The following IMMT variants were observed in gnomAD, a reference collection of about 807,000 sequenced individuals.
IMMT encodes inner membrane mitochondrial protein.
IMMT carries 40 observed loss-of-function variants against 92.7 expected under a neutral mutation model. The observed-to-expected ratio is 0.43, with a 90% CI of 0.34 to 0.56. IMMT has a LOEUF of 0.56. IMMT is among the 20% of genes least tolerant of loss of function. IMMT has a pLI of 0.03. For missense variants in IMMT, 831 were observed against 912.1 expected (o/e 0.91, Z 1.14); for synonymous variants, 322 against 336.1 (o/e 0.96, Z 0.46).
intron 13 of IMMT, 106 bp from the exon 14 acceptor site, chr2:86,146,303 G>T: frequency 2.4e-6 from 2 of 846,466 alleles, no homozygotes; most frequent in Non-Finnish European, 3.5e-6. Context: ...GGGCCTTAGA[G>T]TTGTCACGAA....
Position 86,144,061 on chromosome 2 carries a change from C to T in IMMT, c.*207G>A. On this transcript the variant is annotated 3_prime_UTR_variant, in exon 15 of 15. Transcript: ENST00000410111. ...AAACCTGAAAAAACAGAAAATGTTA[C>T]ACAAGTTGCAAAGAAAGCACTCCTG... 1 of 615,386 alleles carries T rather than the reference C, an allele frequency of 1.6e-6. No individual in the cohort carries two copies. Among genetic ancestry groups the T allele is most frequent in the Non-Finnish European group, 2.8e-6 (1 of 354,906 alleles). The allele number at this position is 615,386 out of a possible 1,614,324, so 38.1% of individuals were successfully genotyped here. A position where few individuals can be genotyped will look rare whatever the true frequency, so the allele number is the denominator to read the frequency against.
chr2:86,144,989 A>T, intron 14 of IMMT, 108 bp from the exon 15 acceptor site: 1 of 1,303,074 alleles, frequency 7.7e-7, no homozygotes, highest in Non-Finnish European at 1.0e-6. Flanking sequence ...GTGCAAGATG[A>T]GGCCAGAGAG....
At chr2:86,185,393 G>A (rs1025505693) in intron 1 of IMMT, among the ~76,000 whole-genome samples, 7 of 152,102 alleles carry the variant, frequency 4.6e-5, no homozygotes, top group African/African-American at 1.7e-4. Flanking sequence ...ATAGAGAAGG[G>A]CTTCAAGCCA....
At position 86,162,338 on chromosome 2, in the gene IMMT, G is replaced by GTTTTTTTTTTTTTTTT. The variant is rs1346343442; in HGVS notation, c.793-260_793-259insAAAAAAAAAAAAAAAA. Among the ~76,000 whole-genome samples the GTTTTTTTTTTTTTTTT allele has an allele frequency of 1.8e-3, 203 of 113,684 alleles. 2 individuals carry two copies. The highest frequency in any genetic ancestry group is 6.7e-3 in the African/African-American group (196 of 29,252). The allele number at this position is 113,684 out of a possible 152,430, so 74.6% of individuals were successfully genotyped here. ...GCCATATAAGCATTTTCTAAGGAGA[G>GTTTTTTTTTTTTTTTT]TTGTTTTTTTTTTTTTTTAAGATTC... On this transcript the variant is annotated intron_variant, in intron 7 of 14. Transcript: ENST00000410111.
intron 1 of IMMT, among the ~76,000 whole-genome samples, chr2:86,188,353 T>C (rs1672909384): frequency 6.6e-6 from 1 of 152,148 alleles, no homozygotes; most frequent in Non-Finnish European, 1.5e-5. Context: ...TTTGGATGAA[T>C]GGCTATTCAA....
intron 8 of IMMT, among the ~76,000 whole-genome samples, chr2:86,160,746 A>C (rs1036393424): frequency 6.6e-6 from 1 of 152,206 alleles, no homozygotes; most frequent in African/African-American, 2.4e-5. Flanking sequence ...AACTTCCAGG[A>C]ATCAAGGTCA....
chr2:86,146,802 C>T (rs1229918639), intron 13 of IMMT, among the ~76,000 whole-genome samples: 1 of 152,136 alleles, frequency 6.6e-6, no homozygotes, highest in African/African-American at 2.4e-5. Context: ...GCTCTGTCAT[C>T]CAGGCTGGAG....
intron 11 of IMMT, among the ~76,000 whole-genome samples, chr2:86,151,988 G>A (rs1162300431): frequency 6.6e-6 from 1 of 152,126 alleles, no homozygotes; most frequent in Admixed American, 6.5e-5. Flanking sequence ...AAACACATAT[G>A]ATCTAGATTA....
chr2:86,173,685 T>C lies in IMMT; in HGVS notation c.386A>G (p.Gln129Arg). The C allele has an allele frequency of 3.1e-6, 5 of 1,605,840 alleles. No individual in the cohort carries two copies. The highest frequency in any genetic ancestry group is 4.3e-6 in the Non-Finnish European group (5 of 1,172,806). Reference protein sequence around the residue: ...KESKQPASQLQKQKGDTPASA... With the variant: ...KESKQPASQLRKQKGDTPASA... ...AGCTGGAGTATCTCCCTTTTGTTTT[T>C]GGAGTTGTGAGGCAGGCTGTTTAGA... Residue 129 changes from glutamine to arginine, a missense_variant, in exon 4 of 15, where the codon CAA (glutamine) becomes CGA (arginine). Physicochemically the swap from Gln to Arg is conservative, Grantham distance 43. Coordinates refer to ENST00000410111, the MANE Select transcript of IMMT (RefSeq NM_006839.3).
Position 86,179,582 on chromosome 2 carries a change from C to A in IMMT, c.160G>T (p.Val54Phe). ...ATAGTGCCACCAATACCTCCACCAA[C>A]AAACAAAAGGCCAGCTCCAGCAATT... ...GKIAGAGLLF[V>F]GGGIGGTILY... The change falls in exon 3 of 15, where the codon GTT (valine) becomes TTT (phenylalanine). Residue 54 changes from valine (V) to phenylalanine (F), a missense_variant. Transcript: ENST00000410111. 6.2e-7 allele frequency: 1 copy of A among 1,602,260 alleles called. No homozygotes were observed. The highest frequency in any genetic ancestry group is 1.1e-5 in the South Asian group (1 of 87,926).
chr2:86,186,236 A>G (rs894557505), intron 1 of IMMT, among the ~76,000 whole-genome samples: 2 of 152,172 alleles, frequency 1.3e-5, no homozygotes, highest in Non-Finnish European at 2.9e-5. Flanking sequence ...CTTTGATGGC[A>G]TTAGACTCTG....
chr2:86,165,970 A>G (rs1005816354), intron 7 of IMMT, among the ~76,000 whole-genome samples: 5 of 152,254 alleles, frequency 3.3e-5, no homozygotes, highest in Admixed American at 2.6e-4. Context: ...TGTAAGATAT[A>G]GTAAAGCACA....
At chr2:86,171,447 C>T (rs2105231560) in intron 4 of IMMT, 102 bp from the exon 5 acceptor site, 1 of 1,020,778 alleles carries the variant, frequency 9.8e-7, no homozygotes, top group African/African-American at 1.6e-5. Context: ...CATCTGACTC[C>T]TTAGAGACAC....
rs1250637404 is a variant in IMMT at position 86,149,146 on chromosome 2, T to C, written c.1402-1313A>G. Among the ~76,000 whole-genome samples the C allele has an allele frequency of 2.0e-5, 3 of 152,174 alleles. 1 individual carries two copies. The highest frequency in any genetic ancestry group is 7.2e-5 in the African/African-American group (3 of 41,426). On this transcript the variant is annotated intron_variant, in intron 12 of 14. Coordinates refer to ENST00000410111, the MANE Select transcript of IMMT (RefSeq NM_006839.3). ...ATAAACAGGGCAACATAACAGAAAG[T>C]AATACAGAGACTCTACTTTGGACTG...
Position 86,173,731 on chromosome 2 carries a change from C to T in IMMT, c.340G>A (p.Val114Ile), listed in dbSNP as rs368769430. Residue 114 changes from valine (V) to isoleucine (I), a missense_variant, in exon 4 of 15, where the codon GTA (valine) becomes ATA (isoleucine). Coordinates refer to ENST00000410111, the MANE Select transcript of IMMT (RefSeq NM_006839.3). Reference protein sequence around the residue: ...IQSGPLKISSVSEVMKESKQP... With the variant: ...IQSGPLKISSISEVMKESKQP... Reference sequence around the variant, plus strand: ...TTAGATTCTTTCATTACTTCTGATACACTAGAGATTTTTAGTGGACCCGAC... The same window carrying T: ...TTAGATTCTTTCATTACTTCTGATATACTAGAGATTTTTAGTGGACCCGAC... 8.1e-6 allele frequency: 13 copies of T among 1,604,292 alleles called. No individual in the cohort carries two copies. Among genetic ancestry groups the T allele is most frequent in the Non-Finnish European group, 1.0e-5 (12 of 1,172,136 alleles).
In IMMT at chr2:86,159,453, AT is replaced by A. The variant is rs1330822548; in HGVS notation, c.1032+82del. 4 of 1,101,260 alleles carry A rather than the reference AT, an allele frequency of 3.6e-6. No homozygotes were observed. In the African/African-American group the frequency reaches 4.7e-5, roughly 13 times the overall value. The allele number at this position is 1,101,260 out of a possible 1,614,324, so 68.2% of individuals were successfully genotyped here. On this transcript the variant is annotated intron_variant, in intron 9 of 14. Coordinates refer to ENST00000410111, the MANE Select transcript of IMMT (RefSeq NM_006839.3). ...GAGAAAAGACGGGGAGATGGTAGGA[AT>A]TTGCTGTTTTCCTAAATCCTTAAAA...
intron 10 of IMMT, chr2:86,158,274 T>C (rs10191567): frequency 0.95 from 175,678 of 184,896 alleles, 83,559 homozygotes; most frequent in East Asian, 1. Flanking sequence ...ATTTCAGTAG[T>C]GTCAAGGTTA....
Position 86,144,128 on chromosome 2 carries a change from A to G in IMMT, c.*140T>C, listed in dbSNP as rs546408439. The G allele has an allele frequency of 4.0e-5, 34 of 843,140 alleles. No homozygotes were observed. In the African/African-American group the frequency reaches 5.3e-4, roughly 13 times the overall value. 52.2% of individuals were successfully genotyped at this position (843,140 alleles called of 1,614,324 possible). ...TAGCAAATGGAAAGAATATAAATGC[A>G]ACAGGTGTTAACATTTAGAACAGTA... On this transcript the variant is annotated 3_prime_UTR_variant, in exon 15 of 15. Coordinates refer to ENST00000410111, the MANE Select transcript of IMMT (RefSeq NM_006839.3).
Position 86,146,659 on chromosome 2 carries a change from G to A in IMMT, c.1534-462C>T, listed in dbSNP as rs180820395. On this transcript the variant is annotated intron_variant, in intron 13 of 14. Coordinates refer to ENST00000410111, the MANE Select transcript of IMMT (RefSeq NM_006839.3). ...ATTACAGGCGTGAGCCACCGTGCCCGGCCGATGTATATAATTCTTTACAGG... is the reference window on the plus strand; with the variant it reads ...ATTACAGGCGTGAGCCACCGTGCCCAGCCGATGTATATAATTCTTTACAGG... Among the ~76,000 whole-genome samples, 1,047 of 151,928 alleles carry A rather than the reference G, an allele frequency of 6.9e-3. 15 individuals are homozygous for A. The highest frequency in any genetic ancestry group is 0.023 in the African/African-American group (965 of 41,442).
Sources: allele counts gnomAD v4.1 joint callset (sites outside exome capture counted in the v4.1 genomes callset), GRCh38; gene constraint gnomAD v4.1.1; transcripts MANE v1.5; gene names NCBI Gene and HGNC (gene_info 2026-07-23, HGNC 2026-07-21).